FAM76B: variants seen among roughly 807,000 people sequenced by gnomAD.
FAM76B encodes the protein family with sequence similarity 76 member B.
FAM76B carries 16 observed loss-of-function variants against 51.8 expected under a neutral mutation model. The ratio of observed to expected loss-of-function variants is 0.31; its 90% CI spans 0.21 to 0.47. The LOEUF (loss-of-function observed/expected upper bound fraction) is 0.47. Ranked by LOEUF, FAM76B falls within the 20% of genes least tolerant of loss-of-function variation. The pLI is 1.00. For missense variants in FAM76B, 342 were observed against 392.6 expected (o/e 0.87, Z 1.09); for synonymous variants, 166 against 129.5 (o/e 1.28, Z -1.91).
At chr11:95,775,273 G>C (rs746464377) in intron 9 of FAM76B, among the ~76,000 whole-genome samples, 1 of 151,416 alleles carries the variant, frequency 6.6e-6, no homozygotes, top group Non-Finnish European at 1.5e-5. Flanking sequence ...TATCCATGTT[G>C]GATGTTCACC....
intron 1 of FAM76B, 25 bp downstream of exon 1, chr11:95,789,367 C>G: frequency 1.9e-6 from 3 of 1,572,972 alleles, no homozygotes; most frequent in Non-Finnish European, 2.6e-6. Flanking sequence ...ACACCCATCC[C>G]GCCCGCCTCC....
chr11:95,789,096 G>T, intron 1 of FAM76B: 5 of 1,400,202 alleles, frequency 3.6e-6, no homozygotes, highest in Non-Finnish European at 2.8e-6. Context: ...GGTCTCTGCG[G>T]CATAGACAGG....
At chr11:95,784,918 C>T (rs1860479687) in intron 4 of FAM76B, among the ~76,000 whole-genome samples, 1 of 152,090 alleles carries the variant, frequency 6.6e-6, no homozygotes, top group Non-Finnish European at 1.5e-5. Flanking sequence ...GAGATATCTT[C>T]AAACAGGAAC....
At chr11:95,780,696 C>T (rs547064440) in intron 5 of FAM76B, among the ~76,000 whole-genome samples, 8 of 152,040 alleles carry the variant, frequency 5.3e-5, no homozygotes, top group African/African-American at 1.9e-4. Flanking sequence ...CCAGATGCCA[C>T]GTATTTATAC....
At chr11:95,781,704 C>T (rs1423441826) in intron 5 of FAM76B, among the ~76,000 whole-genome samples, 1 of 152,088 alleles carries the variant, frequency 6.6e-6, no homozygotes, top group Non-Finnish European at 1.5e-5. Flanking sequence ...GAAGCAAAAA[C>T]AAGGTAGACT....
intron 1 of FAM76B, 22 bp downstream of exon 1, chr11:95,789,370 C>T (rs1330659962): frequency 6.3e-7 from 1 of 1,576,698 alleles, no homozygotes; most frequent in Non-Finnish European, 8.6e-7. Context: ...CCCATCCCGC[C>T]CGCCTCCCGG....
intron 3 of FAM76B, chr11:95,786,877 T>C (rs1032559041): frequency 2.0e-5 from 3 of 152,330 alleles, no homozygotes; most frequent in African/African-American, 7.2e-5. Context: ...ATAATATTGG[T>C]ATAATATACC....
intron 4 of FAM76B, among the ~76,000 whole-genome samples, chr11:95,785,310 G>C (rs928907730): frequency 1.3e-5 from 2 of 152,174 alleles, no homozygotes; most frequent in African/African-American, 2.4e-5. Context: ...ATCTCCCATG[G>C]ATAAGGTGGG....
rs1859709894 is a variant in FAM76B, at chr11:95,770,246, C to T, written c.*1315G>A. On this transcript the variant is annotated 3_prime_UTR_variant, in exon 10 of 10. Coordinates refer to ENST00000358780, the MANE Select transcript of FAM76B (RefSeq NM_144664.5). ...AATATAGTCAATAACTTCATATAAC[C>T]TATCCCACCCTACCTTAACCTTTTA... 1 of 151,818 alleles carries T rather than the reference C, an allele frequency of 6.6e-6. No individual in the cohort carries two copies. The highest frequency in any genetic ancestry group is 2.1e-4 in the South Asian group (1 of 4,828). The allele number at this position is 151,818 out of a possible 1,614,324, so 9.4% of individuals were successfully genotyped here. A position where few individuals can be genotyped will look rare whatever the true frequency, so the allele number is the denominator to read the frequency against.
At chr11:95,786,584 A>T (rs1305912435) in intron 3 of FAM76B, 2 of 202,736 alleles carry the variant, frequency 9.9e-6, no homozygotes, top group Non-Finnish European at 2.0e-5. Context: ...ATAAAGGTAC[A>T]TATGTAGAGA....
chr11:95,786,339 A>G (rs976369664), intron 3 of FAM76B, 65 bp from the exon 4 acceptor site: 9 of 1,519,892 alleles, frequency 5.9e-6, no homozygotes, highest in Non-Finnish European at 8.0e-6. Context: ...GCATATACCC[A>G]GTGTTGTAGA....
At chr11:95,783,413 C>A (rs752947567) in intron 4 of FAM76B, 149 bp from the exon 5 acceptor site, 4 of 611,570 alleles carry the variant, frequency 6.5e-6, no homozygotes, top group Non-Finnish European at 1.1e-5. Flanking sequence ...TTCTGCAAAA[C>A]AGAAATAAAA....
At chr11:95,775,636 C>A (rs1859968722) in intron 9 of FAM76B, among the ~76,000 whole-genome samples, 1 of 149,908 alleles carries the variant, frequency 6.7e-6, no homozygotes, top group Admixed American at 6.7e-5. Context: ...TTGCTATAAG[C>A]CCAATAATTA....
chr11:95,782,997 G>A (rs1565292415), intron 5 of FAM76B, 68 bp downstream of exon 5: 10 of 1,580,000 alleles, frequency 6.3e-6, no homozygotes, highest in Admixed American at 1.7e-5. Flanking sequence ...TTTGCAAGAA[G>A]TAAACATCAA....
intron 8 of FAM76B, among the ~76,000 whole-genome samples, chr11:95,777,327 T>C (rs548419974): frequency 6.6e-6 from 1 of 151,462 alleles, no homozygotes; most frequent in Admixed American, 6.6e-5. Flanking sequence ...GTTGTGATTT[T>C]TTTAAAGAGG....
Position 95,779,654 on chromosome 11 carries a change from A to G in FAM76B, c.645T>C (p.Thr215=). 1 of 1,610,014 alleles carries G rather than the reference A, an allele frequency of 6.2e-7. No homozygotes were observed. Among genetic ancestry groups the G allele is most frequent in the Non-Finnish European group, 8.5e-7 (1 of 1,177,886 alleles). ...HKSSATIQNE[T]PKKKPKLESK... is the part of the protein sequence containing the mutation. ...ATTCCAATTTGGGCTTTTTCTTTGGAGTTTCATTCTGAATTGTTGCAGAGG... is the reference window on the plus strand; with the variant it reads ...ATTCCAATTTGGGCTTTTTCTTTGGGGTTTCATTCTGAATTGTTGCAGAGG... The change falls in exon 7 of 10, where the codon ACT becomes ACC. Residue 215 remains threonine, a synonymous_variant. Transcript: ENST00000358780.
chr11:95,789,611 T>TCGCCGCGAGAGCCCAGGGCCC lies in FAM76B; in HGVS notation c.-154_-134dup, dbSNP rs1376667546. The TCGCCGCGAGAGCCCAGGGCCC allele has an allele frequency of 8.7e-6, 6 of 692,572 alleles. No homozygotes were observed. Among genetic ancestry groups the TCGCCGCGAGAGCCCAGGGCCC allele is most frequent in the East Asian group, 6.4e-5 (2 of 31,386 alleles). 42.9% of individuals were successfully genotyped at this position (692,572 alleles called of 1,614,324 possible). A position where few individuals can be genotyped will look rare whatever the true frequency, so the allele number is the denominator to read the frequency against. ...CCCCTGCCTCGCGCCCACCAGGGCC[T>TCGCCGCGAGAGCCCAGGGCCC]CGCCGCGAGAGCCCAGGGCCCCGCG... On this transcript the variant is annotated 5_prime_UTR_variant, in exon 1 of 10. Coordinates refer to ENST00000358780, the MANE Select transcript of FAM76B (RefSeq NM_144664.5).
In FAM76B at chr11:95,778,958, C is replaced by T. The variant is rs1262909283; in HGVS notation, c.693-1G>A. On this transcript the variant is annotated splice_acceptor_variant, in intron 7 of 9. Transcript: ENST00000358780. LOFTEE classifies it high-confidence loss of function. ...ATCTGCTGACTGATTTATAGAGCTA[C>T]TAAAAAGAAAAAAGTAAAACACAGT... The T allele has an allele frequency of 6.2e-7, 1 of 1,603,496 alleles. No individual in the cohort carries two copies.
At chr11:95,779,257 C>A in intron 7 of FAM76B, 5 of 757,582 alleles carry the variant, frequency 6.6e-6, no homozygotes, top group South Asian at 6.5e-5. Context: ...AACAAAGTAA[C>A]GCTCATAATA....
Sources: gnomAD v4.1 joint callset for allele counts (sites outside exome capture counted in the v4.1 genomes callset) on GRCh38, gnomAD v4.1.1 for gene constraint, MANE v1.5 for transcripts, NCBI Gene and HGNC (gene_info 2026-07-23, HGNC 2026-07-21) for gene names.